Variants in PMEL observed in about 807,000 individuals in gnomAD.
The protein encoded by PMEL is melanocyte protein PMEL.
In PMEL, 53 loss-of-function variants were observed where a neutral mutation model predicts 64.9. The observed-to-expected ratio is 0.82, with a 90% CI of 0.66 to 1.03. PMEL has a LOEUF of 1.03. PMEL is among the 50% of genes least tolerant of loss of function. The probability of loss-of-function intolerance (pLI) is 0.00; values close to 1 mark genes in which losing one functional copy is unlikely to be tolerated. For missense variants in PMEL, 716 were observed against 814.9 expected (o/e 0.88, Z 1.48); for synonymous variants, 299 against 316.2 (o/e 0.95, Z 0.58).
chr12:55,957,630 A>G lies in PMEL; in HGVS notation c.673T>C (p.Leu225=), dbSNP rs771694755. ...FSVSVSQLRA[L]DGGNKHFLRN... ...AGGAAGTGCTTGTTCCCTCCATCCAAGGCCCGCAACTGGGACACGCTCACG... is the reference window on the plus strand; with the variant it reads ...AGGAAGTGCTTGTTCCCTCCATCCAGGGCCCGCAACTGGGACACGCTCACG... Residue 225 remains leucine (L), a synonymous_variant, in exon 6 of 11, where the codon TTG becomes CTG. Coordinates refer to ENST00000548747, the MANE Select transcript of PMEL (RefSeq NM_001384361.1). 1 of 1,612,888 alleles carries G rather than the reference A, an allele frequency of 6.2e-7. No individual in the cohort carries two copies. Among genetic ancestry groups the G allele is most frequent in the South Asian group, 1.1e-5 (1 of 90,908 alleles).
rs373939621 is a variant in PMEL at position 55,957,449 on chromosome 12, G to A, written c.854C>T (p.Pro285Leu). Residue 285 changes from proline (P) to leucine (L), a missense_variant, in exon 6 of 11, where the codon CCA becomes CTA. Physicochemically the swap from Pro to Leu is moderately conservative, Grantham distance 98 (BLOSUM62 -3). Transcript: ENST00000548747. Reference protein sequence around the residue: ...VVTHTYLEPGPVTAQVVLQAA... With the variant: ...VVTHTYLEPGLVTAQVVLQAA... ...CTGCAGGACCACCTGGGCAGTGACT[G>A]GGCCAGGCTCCAGGTAAGTATGAGT... 33 of 1,613,148 alleles carry A rather than the reference G, an allele frequency of 2.0e-5. No individual in the cohort carries two copies. In the African/African-American group the frequency reaches 3.7e-4, roughly 18 times the overall value.
At chr12:55,962,687 C>A (rs111386852) in intron 1 of PMEL, among the ~76,000 whole-genome samples, 6,257 of 150,970 alleles carry the variant, frequency 0.041, 428 homozygotes, top group African/African-American at 0.14. Flanking sequence ...CCACACCCAA[C>A]TAATTTTTGT....
At chr12:55,956,907 G>A (rs1888903845) in intron 6 of PMEL, 42 bp downstream of exon 6, 2 of 1,590,626 alleles carry the variant, frequency 1.3e-6, no homozygotes, top group East Asian at 4.5e-5. Flanking sequence ...GTAGAGTAGG[G>A]TACCCCACCT....
intron 1 of PMEL, among the ~76,000 whole-genome samples, chr12:55,962,314 G>A (rs1473621476): frequency 2.0e-5 from 3 of 150,278 alleles, no homozygotes; most frequent in African/African-American, 7.3e-5. Flanking sequence ...ATGGTGGTGC[G>A]CACCTGTAGT....
In PMEL at chr12:55,954,325, G is replaced by A; in HGVS notation, c.1875C>T (p.Phe625=). The change falls in exon 11 of 11, where the codon TTC becomes TTT. Residue 625 remains phenylalanine, a synonymous_variant. Transcript: ENST00000548747. ...IYRRRLMKQD[F]SVPQLPHSSS... is the part of the protein sequence containing the mutation. ...TGCTATGTGGCAACTGGGGTACGGA[G>A]AAGTCTTGCTTCATAAGTCTGCGCC... 6.2e-7 allele frequency: 1 copy of A among 1,614,168 alleles called. No individual in the cohort carries two copies. The highest frequency in any genetic ancestry group is 8.5e-7 in the Non-Finnish European group (1 of 1,180,010).
At chr12:55,958,875 AG>A (rs1888998190) in intron 3 of PMEL, among the ~76,000 whole-genome samples, 2 of 151,942 alleles carry the variant, frequency 1.3e-5, no homozygotes, top group African/African-American at 4.8e-5. Context: ...TCAACCTCCC[AG>A]GGTCAAGCAA....
intron 3 of PMEL, among the ~76,000 whole-genome samples, chr12:55,960,916 G>A (rs1275963150): frequency 6.6e-6 from 1 of 150,670 alleles, no homozygotes; most frequent in Non-Finnish European, 1.5e-5. Context: ...AAAAATTAAA[G>A]GAGGAGGCCG....
At chr12:55,961,077 C>A in intron 3 of PMEL, 1 of 392,294 alleles carries the variant, frequency 2.5e-6, no homozygotes, top group Non-Finnish European at 4.7e-6. Flanking sequence ...TGGTGGCAGG[C>A]GCCTGTAGTC....
In PMEL at chr12:55,958,345, C is replaced by G. The variant is rs1888975660; in HGVS notation, c.469+128G>C. 3 of 1,008,850 alleles carry G rather than the reference C, an allele frequency of 3.0e-6. No individual in the cohort carries two copies. The African/African-American group carries it at 4.8e-5, about 16-fold the overall frequency. 62.5% of individuals were successfully genotyped at this position (1,008,850 alleles called of 1,614,324 possible). A position where few individuals can be genotyped will look rare whatever the true frequency, so the allele number is the denominator to read the frequency against. ...CTAGGTGCTAAGAAAGAGAAAAGATCTAAGAGGAAAATGAAGATTAGAGAA... is the reference window on the plus strand; with the variant it reads ...CTAGGTGCTAAGAAAGAGAAAAGATGTAAGAGGAAAATGAAGATTAGAGAA... On this transcript the variant is annotated intron_variant, in intron 4 of 10. Coordinates refer to ENST00000548747, the MANE Select transcript of PMEL (RefSeq NM_001384361.1).
At chr12:55,958,781 A>C in intron 3 of PMEL, 174 bp from the exon 4 acceptor site, 1 of 644,176 alleles carries the variant, frequency 1.6e-6, no homozygotes, top group South Asian at 2.0e-5. Flanking sequence ...GAGGGTGTGG[A>C]AACTACATTT....
chr12:55,956,447 A>T (rs573652634), intron 6 of PMEL: 8 of 483,526 alleles, frequency 1.7e-5, no homozygotes, highest in Admixed American at 7.0e-5. Flanking sequence ...TTGGAGTTTT[A>T]AAAAATCCTC....
chr12:55,957,426 G>T lies in PMEL; in HGVS notation c.877C>A (p.Gln293Lys). Reference protein sequence around the residue: ...PGPVTAQVVLQAAIPLTSCGS... With the variant: ...PGPVTAQVVLKAAIPLTSCGS... ...CAGGAGGTGAGAGGAATGGCAGCCTGCAGGACCACCTGGGCAGTGACTGGG... is the reference window on the plus strand; with the variant it reads ...CAGGAGGTGAGAGGAATGGCAGCCTTCAGGACCACCTGGGCAGTGACTGGG... Residue 293 changes from glutamine to lysine, a missense_variant, in exon 6 of 11, where the codon CAG becomes AAG. By Grantham distance (53) the Gln-to-Lys change is moderately conservative. Transcript: ENST00000548747. 1.9e-6 allele frequency: 3 copies of T among 1,610,176 alleles called. No homozygotes were observed. The highest frequency in any genetic ancestry group is 2.5e-6 in the Non-Finnish European group (3 of 1,177,378).
rs138189925 is a variant in PMEL, at chr12:55,957,488, C to T, written c.815G>A (p.Arg272Gln). Reference protein sequence around the residue: ...FGDSSGTLISRALVVTHTYLE... With the variant: ...FGDSSGTLISQALVVTHTYLE... ...GTAAGTATGAGTGACCACAAGTGCC[C>T]GAGAGATCAGGGTTCCACTACTGTC... The change falls in exon 6 of 11, where the codon CGG becomes CAG. Residue 272 changes from arginine (R) to glutamine (Q), a missense_variant. By Grantham distance (43) the Arg-to-Gln change is conservative (BLOSUM62 1). Transcript: ENST00000548747. The T allele has an allele frequency of 1.5e-5, 24 of 1,613,914 alleles. No homozygotes were observed. The East Asian group carries it at 2.5e-4, about 16-fold the overall frequency.
chr12:55,959,792 G>A (rs995474511), intron 3 of PMEL, among the ~76,000 whole-genome samples: 2 of 147,310 alleles, frequency 1.4e-5, no homozygotes, highest in African/African-American at 2.5e-5. Flanking sequence ...GCGACACAGC[G>A]AGACTCTGTC....
chr12:55,966,051 T>G (rs1173190835), upstream of PMEL: 5 of 1,614,170 alleles, frequency 3.1e-6, no homozygotes, highest in South Asian at 5.5e-5. Flanking sequence ...CTGGGGGGAC[T>G]GGGATAGGCC....
chr12:55,957,896 T>C (rs750730209), intron 5 of PMEL, 27 bp downstream of exon 5: 2 of 1,612,244 alleles, frequency 1.2e-6, no homozygotes, highest in African/African-American at 2.7e-5. Flanking sequence ...GCCCTACAAC[T>C]GGCCTTGCCC....
intron 10 of PMEL, among the ~76,000 whole-genome samples, chr12:55,954,796 C>T (rs1258490662): frequency 2.0e-5 from 3 of 152,002 alleles, no homozygotes; most frequent in Non-Finnish European, 2.9e-5. Context: ...CCCAGCTACT[C>T]GGGAAGCTGA....
rs770050026 is a variant in PMEL at position 55,955,787 on chromosome 12, G to A, written c.1548C>T (p.Cys516=). 1.2e-6 allele frequency: 2 copies of A among 1,613,654 alleles called. No homozygotes were observed. Among genetic ancestry groups the A allele is most frequent in the African/African-American group, 2.7e-5 (2 of 74,916 alleles). ...EGDAFELTVS[C]QGGLPKEACM... ...ACTAGTGAGACACTCACCCGCCTTG[G>A]CAGGACACAGTCAGCTCAAATGCAT... Residue 516 remains cysteine, a synonymous_variant, in exon 8 of 11, where the codon TGC becomes TGT. Coordinates refer to ENST00000548747, the MANE Select transcript of PMEL (RefSeq NM_001384361.1).
At chr12:55,958,742 A>G (rs1888994303) in intron 3 of PMEL, 135 bp from the exon 4 acceptor site, 2 of 898,292 alleles carry the variant, frequency 2.2e-6, no homozygotes, top group Admixed American at 5.6e-5. Context: ...TCTCCATGAT[A>G]TAACCATTTG....
Sources: allele counts gnomAD v4.1 joint callset (sites outside exome capture counted in the v4.1 genomes callset), GRCh38; gene constraint gnomAD v4.1.1; transcripts MANE v1.5; gene names NCBI Gene and HGNC (gene_info 2026-07-23, HGNC 2026-07-21).